HEMK2: variants seen among roughly 807,000 people sequenced by gnomAD.
HEMK2 encodes methyltransferase HEMK2.
the HEMK2 span, among the ~76,000 whole-genome samples, chr21:28,820,977 C>T: frequency 6.6e-6 from 1 of 152,224 alleles, no homozygotes; most frequent in African/African-American, 2.4e-5. Context: ...TTCTCCCCTA[C>T]CTATCAGTGT....
the HEMK2 span, chr21:28,876,339 T>C: frequency 6.9e-5 from 90 of 1,307,504 alleles, no homozygotes; most frequent in Non-Finnish European, 3.4e-5. Context: ...TTTCAAAATA[T>C]GCTAAATGCA....
chr21:28,708,513 G>A, the HEMK2 span, among the ~76,000 whole-genome samples: 2 of 152,136 alleles, frequency 1.3e-5, no homozygotes, highest in Admixed American at 6.6e-5. Context: ...TGTGGGCACA[G>A]GTTAAACAGG....
the HEMK2 span, among the ~76,000 whole-genome samples, chr21:28,857,851 G>C: frequency 6.6e-6 from 1 of 152,106 alleles, no homozygotes; most frequent in Non-Finnish European, 1.5e-5. Context: ...TAACACTTAC[G>C]TCACAAAGCT....
the HEMK2 span, among the ~76,000 whole-genome samples, chr21:28,758,380 G>A: frequency 5.3e-5 from 8 of 152,122 alleles, no homozygotes; most frequent in Non-Finnish European, 1.2e-4. Flanking sequence ...AAATTAAGAG[G>A]CAAATATGAT....
the HEMK2 span, among the ~76,000 whole-genome samples, chr21:28,682,830 C>T: frequency 6.6e-6 from 1 of 152,122 alleles, no homozygotes; most frequent in South Asian, 2.1e-4. Flanking sequence ...CATGTTCTCA[C>T]TCATAGGTAG....
the HEMK2 span, among the ~76,000 whole-genome samples, chr21:28,849,764 G>GA: frequency 1.2e-4 from 19 of 152,120 alleles, no homozygotes; most frequent in Non-Finnish European, 2.8e-4. Context: ...ACAAGCTGAT[G>GA]AAAGAATCTC....
chr21:28,828,858 T>A, the HEMK2 span, among the ~76,000 whole-genome samples: 3 of 152,212 alleles, frequency 2.0e-5, no homozygotes, highest in Non-Finnish European at 4.4e-5. Context: ...TAGAATAGCA[T>A]CTTTCTTAGT....
the HEMK2 span, chr21:28,876,346 T>C: frequency 9.0e-6 from 12 of 1,336,062 alleles, no homozygotes; most frequent in Non-Finnish European, 1.1e-5. Flanking sequence ...ATATGCTAAA[T>C]GCATTCAGTT....
At chr21:28,736,422 G>A in the HEMK2 span, among the ~76,000 whole-genome samples, 1 of 152,128 alleles carries the variant, frequency 6.6e-6, no homozygotes, top group Non-Finnish European at 1.5e-5. Flanking sequence ...CTAGAAGTGG[G>A]GAGCTGCTTG....
chr21:28,831,659 GAAAGAAAGAAAGAAAGAAA>G, the HEMK2 span, among the ~76,000 whole-genome samples: 1 of 42,746 alleles, frequency 2.3e-5, no homozygotes, highest in Non-Finnish European at 4.2e-5. Flanking sequence ...AAGAAAGAAA[GAAAGAAAGAAAGAAAGAAA>G]GAAAGAAGGA....
At chr21:28,790,277 A>G in the HEMK2 span, among the ~76,000 whole-genome samples, 1 of 152,160 alleles carries the variant, frequency 6.6e-6, no homozygotes, top group African/African-American at 2.4e-5. Context: ...TATTTTTTCA[A>G]CCCACTCTCC....
At chr21:28,750,367 T>C in the HEMK2 span, among the ~76,000 whole-genome samples, 5 of 152,182 alleles carry the variant, frequency 3.3e-5, no homozygotes, top group South Asian at 2.1e-4. Flanking sequence ...GAAATAACCA[T>C]AGATGTCAAC....
the HEMK2 span, chr21:28,577,235 C>T: frequency 6.6e-6 from 1 of 152,156 alleles, no homozygotes; most frequent in African/African-American, 2.4e-5. Flanking sequence ...GTTTTAAAAT[C>T]CAAGGCCAGG....
the HEMK2 span, among the ~76,000 whole-genome samples, chr21:28,848,386 C>T: frequency 2.0e-5 from 3 of 151,874 alleles, no homozygotes; most frequent in Non-Finnish European, 4.4e-5. Context: ...TCTAGGCATA[C>T]AATATTATCA....
At chr21:28,647,507 T>A in the HEMK2 span, among the ~76,000 whole-genome samples, 6 of 6,078 alleles carry the variant, frequency 9.9e-4, no homozygotes, top group South Asian at 0.016. Context: ...AAACTCCATC[T>A]CAAAAAAAAA....
chr21:28,882,373 C>A, the HEMK2 span: 1 of 582,996 alleles, frequency 1.7e-6, no homozygotes, highest in Non-Finnish European at 2.9e-6. Flanking sequence ...AAAATTAGAA[C>A]GTATTCAATA....
At chr21:28,650,449 T>C in the HEMK2 span, among the ~76,000 whole-genome samples, 1 of 151,944 alleles carries the variant, frequency 6.6e-6, no homozygotes, top group Non-Finnish European at 1.5e-5. Flanking sequence ...AGCATAGTGG[T>C]ATTGGTCATG....
At chr21:28,772,816 C>A in the HEMK2 span, among the ~76,000 whole-genome samples, 2 of 152,204 alleles carry the variant, frequency 1.3e-5, no homozygotes, top group South Asian at 4.1e-4. Flanking sequence ...GCATATGTAA[C>A]AATCATTTTG....
At chr21:28,749,940 T>C in the HEMK2 span, among the ~76,000 whole-genome samples, 2 of 152,202 alleles carry the variant, frequency 1.3e-5, no homozygotes, top group South Asian at 4.1e-4. Context: ...AAACCACTAG[T>C]TGAAAAATAA....
Sources: allele counts gnomAD v4.1 joint callset (sites outside exome capture counted in the v4.1 genomes callset), GRCh38; gene constraint gnomAD v4.1.1; transcripts MANE v1.5; gene names NCBI Gene and HGNC (gene_info 2026-07-23, HGNC 2026-07-21).